The following PHACTR1 variants were observed in gnomAD, a reference collection of about 807,000 sequenced individuals.
PHACTR1 encodes the protein phosphatase and actin regulator 1.
A neutral mutation model predicts 69.2 loss-of-function variants in PHACTR1; 16 were observed. The ratio of observed to expected loss-of-function variants is 0.23; its 90% confidence interval spans 0.16 to 0.35. PHACTR1 has a LOEUF of 0.35. Ranked by LOEUF, PHACTR1 falls within the 10% of genes least tolerant of loss-of-function variation. PHACTR1 has a pLI of 1.00. For missense variants in PHACTR1, 510 were observed against 734.7 expected (o/e 0.69, Z 3.54); for synonymous variants, 312 against 284.5 (o/e 1.10, Z -0.97).
chr6:13,273,190 G>A (rs1562103825), intron 11 of PHACTR1: 2 of 428,982 alleles, frequency 4.7e-6, no homozygotes, highest in Non-Finnish European at 8.3e-6. Flanking sequence ...TGAAAAATTA[G>A]AGTGAGACCA....
Position 13,283,697 on chromosome 6 carries a change from C to T in PHACTR1, c.1650+135C>T. 5 of 1,290,324 alleles carry T rather than the reference C, an allele frequency of 3.9e-6. No individual in the cohort carries two copies. Among genetic ancestry groups the T allele is most frequent in the South Asian group, 2.5e-5 (2 of 80,170 alleles). 79.9% of individuals were successfully genotyped at this position (1,290,324 alleles called of 1,614,324 possible). The stretch of plus-strand genomic sequence containing the variant: ...GTCCCCATAATGGAGTGTTGAGACC[C>T]CAACACCTTTCCCCAGGGGCCACAG... On this transcript the variant is annotated intron_variant, in intron 13 of 14. Transcript: ENST00000332995. This position sits in a 1 kb window ranked among gnomAD's most constrained non-coding sequence, Gnocchi z 4.7.
chr6:13,132,968 A>G (rs1411069859), intron 5 of PHACTR1, among the ~76,000 whole-genome samples: 2 of 152,132 alleles, frequency 1.3e-5, no homozygotes, highest in African/African-American at 4.8e-5. Context: ...TTTTACCCAC[A>G]ATAGAACTTC....
At chr6:13,108,037 C>A (rs1478668305) in intron 5 of PHACTR1, among the ~76,000 whole-genome samples, 1 of 152,014 alleles carries the variant, frequency 6.6e-6, no homozygotes, top group Non-Finnish European at 1.5e-5. Flanking sequence ...TCACTTAAAG[C>A]ACTGCTTCAG....
chr6:12,830,598 A>T lies in PHACTR1; in HGVS notation c.250+80808A>T, dbSNP rs113062453. ...TTTTTAATTTTCAAAAAAAAAAAAA[A>T]TTTTTTTTGAGACAGAGTTTCACTC... is the stretch of plus-strand genomic sequence containing the variant. On this transcript the variant is annotated intron_variant, in intron 4 of 14. Transcript: ENST00000332995. 6.2e-3 allele frequency among the ~76,000 whole-genome samples: 834 copies of T among 133,992 alleles called. 3 individuals carry two copies. Among genetic ancestry groups the T allele is most frequent in the Non-Finnish European group, 8.7e-3 (534 of 61,684 alleles). The allele number at this position is 133,992 out of a possible 152,430, so 87.9% of individuals were successfully genotyped here.
At chr6:13,211,022 C>G (rs1205247278) in intron 8 of PHACTR1, among the ~76,000 whole-genome samples, 1 of 145,242 alleles carries the variant, frequency 6.9e-6, no homozygotes, top group Non-Finnish European at 1.5e-5. Context: ...CTAGCCTTTA[C>G]TCTTGTTCTT....
At chr6:13,141,587 G>T (rs1387681232) in intron 5 of PHACTR1, among the ~76,000 whole-genome samples, 1 of 152,104 alleles carries the variant, frequency 6.6e-6, no homozygotes, top group South Asian at 2.1e-4. Context: ...GCCCTGTCTC[G>T]CTGCCTTGTC....
At chr6:13,068,980 C>G (rs1178412927) in intron 5 of PHACTR1, among the ~76,000 whole-genome samples, 1 of 152,146 alleles carries the variant, frequency 6.6e-6, no homozygotes, top group Non-Finnish European at 1.5e-5. Flanking sequence ...GAACGATAAT[C>G]TAAACCAGGC....
At chr6:13,174,464 C>T (rs1428873039) in intron 6 of PHACTR1, among the ~76,000 whole-genome samples, 3 of 152,174 alleles carry the variant, frequency 2.0e-5, no homozygotes, top group African/African-American at 7.2e-5. Flanking sequence ...GTAGTTAATT[C>T]TTCTTATGAT....
At chr6:13,081,286 G>A (rs1811332553) in intron 5 of PHACTR1, among the ~76,000 whole-genome samples, 1 of 152,152 alleles carries the variant, frequency 6.6e-6, no homozygotes, top group African/African-American at 2.4e-5. Context: ...GAAGTGGTGG[G>A]TTTAGAATAG....
At chr6:13,090,255 CA>C (rs1331595760) in intron 5 of PHACTR1, among the ~76,000 whole-genome samples, 3 of 147,624 alleles carry the variant, frequency 2.0e-5, no homozygotes, top group African/African-American at 7.5e-5. Flanking sequence ...AGGGTTTCAC[CA>C]TGTTGTCTCG....
intron 5 of PHACTR1, among the ~76,000 whole-genome samples, chr6:13,137,338 G>A (rs1376052891): frequency 3.3e-5 from 5 of 152,160 alleles, no homozygotes; most frequent in Admixed American, 3.3e-4. Flanking sequence ...TTTTCAAGAT[G>A]TACCTAGGCA....
intron 4 of PHACTR1, chr6:12,957,548 A>G: frequency 1.0e-6 from 1 of 985,486 alleles, no homozygotes; most frequent in Non-Finnish European, 1.2e-6. Flanking sequence ...TGTGAAGGTA[A>G]GAGGCAGTCT....
intron 4 of PHACTR1, among the ~76,000 whole-genome samples, chr6:12,904,306 A>T (rs1930429): frequency 6.6e-6 from 1 of 152,066 alleles, no homozygotes; most frequent in Non-Finnish European, 1.5e-5. Context: ...CCAGCAATAT[A>T]GGAGGCTCTG....
chr6:12,959,657 CT>C (rs1792432034), intron 4 of PHACTR1, among the ~76,000 whole-genome samples: 1 of 152,128 alleles, frequency 6.6e-6, no homozygotes, highest in Non-Finnish European at 1.5e-5. Context: ...GGAAACCTAC[CT>C]TTCTACACTT....
Position 13,114,418 on chromosome 6 carries a change from T to C in PHACTR1, c.416-45786T>C, listed in dbSNP as rs143185202. On this transcript the variant is annotated intron_variant, in intron 5 of 14. Coordinates refer to ENST00000332995, the MANE Select transcript of PHACTR1 (RefSeq NM_030948.6). ...GCTCAGGTAATCCTGTCTGACTTGA[T>C]CTGCAGCATCGAGTCAACCCTCCTT... 7.9e-5 allele frequency among the ~76,000 whole-genome samples: 12 copies of C among 152,262 alleles called. No homozygotes were observed. The East Asian group carries it at 2.3e-3, about 29-fold the overall frequency.
intron 5 of PHACTR1, among the ~76,000 whole-genome samples, chr6:13,067,922 T>A (rs1808904971): frequency 6.6e-6 from 1 of 152,138 alleles, no homozygotes; most frequent in African/African-American, 2.4e-5. Context: ...TATAGACTAG[T>A]GGTTAGGGGT....
chr6:13,085,127 A>G (rs766689767), intron 5 of PHACTR1, among the ~76,000 whole-genome samples: 3 of 152,040 alleles, frequency 2.0e-5, no homozygotes, highest in Non-Finnish European at 2.9e-5. Flanking sequence ...AAACATGACC[A>G]TTTAATGACA....
chr6:12,949,106 A>G (rs1447852735), intron 4 of PHACTR1, among the ~76,000 whole-genome samples: 1 of 152,072 alleles, frequency 6.6e-6, no homozygotes, highest in Admixed American at 6.6e-5. Context: ...ACCCATATCT[A>G]CTAAAAATAC....
chr6:13,147,008 T>A (rs920011912), intron 5 of PHACTR1, among the ~76,000 whole-genome samples: 4 of 152,204 alleles, frequency 2.6e-5, no homozygotes, highest in African/African-American at 9.6e-5. Flanking sequence ...TTTCATCACA[T>A]GACATTCTCT....
Sources: allele counts gnomAD v4.1 joint callset (sites outside exome capture counted in the v4.1 genomes callset), GRCh38; gene constraint gnomAD v4.1.1; non-coding constraint Gnocchi (gnomAD v3.1); transcripts MANE v1.5; gene names NCBI Gene and HGNC (gene_info 2026-07-23, HGNC 2026-07-21).